The following ADGRV1 variants were observed in gnomAD, a reference collection of about 807,000 sequenced individuals.
ADGRV1 encodes G-protein coupled receptor 98.
Under a neutral mutation model 596.2 loss-of-function variants are expected in ADGRV1, and 359 were observed. The ratio of observed to expected loss-of-function variants is 0.60; its 90% CI spans 0.55 to 0.66. The LOEUF is 0.66. Ranked by LOEUF, ADGRV1 falls within the 30% of genes least tolerant of loss-of-function variation. ADGRV1 has a pLI of 0.00. For missense variants in ADGRV1, 7,274 were observed against 7,575.6 expected (o/e 0.96, Z 1.48); for synonymous variants, 2,681 against 2,679.2 (o/e 1.00, Z -0.02).
chr5:90,929,239 C>T (rs935979713), intron 83 of ADGRV1: 2 of 157,672 alleles, frequency 1.3e-5, no homozygotes, highest in South Asian at 1.9e-4. Context: ...GCCTCGCTGC[C>T]GCCTTGCAGG....
intron 33 of ADGRV1, among the ~76,000 whole-genome samples, chr5:90,695,262 T>C (rs888895023): frequency 1.3e-5 from 2 of 152,186 alleles, no homozygotes; most frequent in South Asian, 4.1e-4. Context: ...ATCACTATTG[T>C]AAAATTTCAT....
rs1320370673 is a variant in ADGRV1, at chr5:91,164,258, G to A, written c.*358G>A. 1 of 329,734 alleles carries A rather than the reference G, an allele frequency of 3.0e-6. No homozygotes were observed. Among genetic ancestry groups the A allele is most frequent in the Non-Finnish European group, 5.9e-6 (1 of 168,308 alleles). The allele number at this position is 329,734 out of a possible 1,614,324, so 20.4% of individuals were successfully genotyped here. ...TTCATTATTGATAAAGAAACATTGT[G>A]CATGGGCAAAAAAAGCTAACTCTAT... On this transcript the variant is annotated 3_prime_UTR_variant, in exon 90 of 90. Transcript: ENST00000405460.
intron 82 of ADGRV1, among the ~76,000 whole-genome samples, chr5:90,862,618 G>C (rs1767715860): frequency 6.6e-6 from 1 of 151,470 alleles, no homozygotes; most frequent in Non-Finnish European, 1.5e-5. Flanking sequence ...GCCAGACCCA[G>C]GACCTACACA....
chr5:90,949,228 T>C (rs1283085916), intron 83 of ADGRV1, among the ~76,000 whole-genome samples: 3 of 152,122 alleles, frequency 2.0e-5, no homozygotes, highest in African/African-American at 7.2e-5. Flanking sequence ...TTCAGGGTAA[T>C]GAGAGAGCCT....
chr5:90,915,789 G>A (rs1358268378), intron 83 of ADGRV1, among the ~76,000 whole-genome samples: 1 of 152,052 alleles, frequency 6.6e-6, no homozygotes, highest in Non-Finnish European at 1.5e-5. Flanking sequence ...ACTTCAAAGG[G>A]GTAGATTAGT....
intron 83 of ADGRV1, among the ~76,000 whole-genome samples, chr5:90,898,067 CT>C (rs1428609609): frequency 6.6e-6 from 1 of 152,134 alleles, no homozygotes; most frequent in Non-Finnish European, 1.5e-5. Flanking sequence ...GATGTGTCCC[CT>C]AAGAAGCACT....
chr5:90,949,004 A>G (rs931215071), intron 83 of ADGRV1, among the ~76,000 whole-genome samples: 6 of 152,132 alleles, frequency 3.9e-5, no homozygotes, highest in Non-Finnish European at 8.8e-5. Context: ...CAGAAGTAGA[A>G]TGGATACATT....
chr5:90,758,320 G>A (rs1172999455), intron 57 of ADGRV1, among the ~76,000 whole-genome samples: 1 of 151,972 alleles, frequency 6.6e-6, no homozygotes, highest in Admixed American at 6.6e-5. Flanking sequence ...GCAACAAAGC[G>A]AGACTCCATC....
chr5:90,685,229 C>T lies in ADGRV1; in HGVS notation c.6275-551C>T, dbSNP rs920272268. On this transcript the variant is annotated intron_variant, in intron 28 of 89. Transcript: ENST00000405460. ...TTCTGTTTAGTTTATTTTTGAATCC[C>T]GAATGTCTAGATTAATGCTGGTGCA... Among the ~76,000 whole-genome samples, 7 of 152,092 alleles carry T rather than the reference C, an allele frequency of 4.6e-5. No homozygotes were observed. In the South Asian group the frequency reaches 6.2e-4, roughly 14 times the overall value.
chr5:91,141,540 T>C (rs1465599255), intron 87 of ADGRV1, among the ~76,000 whole-genome samples: 2 of 152,128 alleles, frequency 1.3e-5, no homozygotes, highest in African/African-American at 2.4e-5. Flanking sequence ...AAAGCAATAT[T>C]GTAAATAAGA....
intron 86 of ADGRV1, among the ~76,000 whole-genome samples, chr5:91,078,177 A>C (rs1789016246): frequency 6.6e-6 from 1 of 152,152 alleles, no homozygotes; most frequent in Non-Finnish European, 1.5e-5. Context: ...AGTGAACAAC[A>C]ATAGTAATAT....
intron 83 of ADGRV1, among the ~76,000 whole-genome samples, chr5:90,956,356 CAAT>C (rs1044875657): frequency 2.6e-5 from 4 of 152,132 alleles, no homozygotes; most frequent in African/African-American, 7.2e-5. Flanking sequence ...TGTTCAACAA[CAAT>C]AATGACAACA....
chr5:91,074,478 C>T (rs1191408809), intron 86 of ADGRV1, among the ~76,000 whole-genome samples: 1 of 152,212 alleles, frequency 6.6e-6, no homozygotes, highest in Non-Finnish European at 1.5e-5. Context: ...CCTCCAGCTC[C>T]ATCTGTGTTG....
At chr5:90,825,320 G>A (rs144076820) in intron 76 of ADGRV1, among the ~76,000 whole-genome samples, 13 of 152,212 alleles carry the variant, frequency 8.5e-5, no homozygotes, top group Non-Finnish European at 1.6e-4. Flanking sequence ...AGTTGGAGTC[G>A]TTGATTCTCT....
In ADGRV1 at chr5:90,683,626, A is replaced by C. The variant is rs1413500247; in HGVS notation, c.5705A>C (p.His1902Pro). 2 of 1,607,704 alleles carry C rather than the reference A, an allele frequency of 1.2e-6. No homozygotes were observed. The highest frequency in any genetic ancestry group is 1.7e-5 in the Admixed American group (1 of 59,872). ...GGAACTCTGTCTCCAGTGACTTTGC[A>C]TTGGAACATAGACTCTGATCCTGAT... ...HHGTLSPVTL[H>P]WNIDSDPDGD... Residue 1902 changes from histidine (H) to proline (P), a missense_variant, in exon 28 of 90, where the codon CAT becomes CCT. By Grantham distance (77) the His-to-Pro change is moderately conservative (BLOSUM62 -2). This residue lies in a region of ADGRV1 where 3,643 missense variants were observed against 3,809.2 expected (regional missense o/e 0.96). Transcript: ENST00000405460.
chr5:91,040,140 C>A (rs1408363475), intron 85 of ADGRV1, among the ~76,000 whole-genome samples: 1 of 152,036 alleles, frequency 6.6e-6, no homozygotes, highest in South Asian at 2.1e-4. Context: ...AATGCTTTTA[C>A]ATATATGGTT....
intron 27 of ADGRV1, 27 bp downstream of exon 27, chr5:90,681,481 T>C (rs2149575086): frequency 1.0e-5 from 16 of 1,591,280 alleles, no homozygotes; most frequent in Non-Finnish European, 1.4e-5. Context: ...CCTTCATTCC[T>C]AGACACTTTC....
Position 91,153,289 on chromosome 5 carries a change from T to C in ADGRV1, c.18693T>C (p.Ser6231=). The change falls in exon 89 of 90, where the codon AGT becomes AGC. Residue 6231 remains serine (S), a synonymous_variant. Transcript: ENST00000405460. Reference sequence around the variant, plus strand: ...AGGCCAGCCCTGATTTAAAGCCAAGTCCACAAAATGGAGCCACGTTCCCGT... The same window carrying C: ...AGGCCAGCCCTGATTTAAAGCCAAGCCCACAAAATGGAGCCACGTTCCCGT... The part of the protein sequence containing the change: ...GSQASPDLKP[S]PQNGATFPSS... 6.2e-7 allele frequency: 1 copy of C among 1,610,482 alleles called. No individual in the cohort carries two copies. The highest frequency in any genetic ancestry group is 8.5e-7 in the Non-Finnish European group (1 of 1,178,362).
At chr5:90,624,088 A>G (rs902500726) in intron 5 of ADGRV1, among the ~76,000 whole-genome samples, 1 of 152,236 alleles carries the variant, frequency 6.6e-6, no homozygotes, top group Non-Finnish European at 1.5e-5. Context: ...ACACAATTCT[A>G]TGGTAGCATA....
Sources: gnomAD v4.1 joint callset for allele counts (sites outside exome capture counted in the v4.1 genomes callset) on GRCh38, gnomAD v4.1.1 for gene constraint, gnomAD v4.1.1 regional missense constraint, MANE v1.5 for transcripts, NCBI Gene and HGNC (gene_info 2026-07-23, HGNC 2026-07-21) for gene names.